PADI1: variants seen among roughly 807,000 people sequenced by gnomAD.
PADI1 encodes the protein peptidyl arginine deiminase 1.
A neutral mutation model predicts 74.8 loss-of-function variants in PADI1; 65 were observed. The ratio of observed to expected loss-of-function variants is 0.87; its 90% CI spans 0.71 to 1.07. PADI1 has a LOEUF of 1.07. Among genes scored for constraint, PADI1 ranks in the 50% least tolerant of loss-of-function variants. The probability of loss-of-function intolerance (pLI) is 0.00; values close to 1 mark genes in which losing one functional copy is unlikely to be tolerated. For synonymous variants in PADI1, 371 were observed against 336.2 expected (o/e 1.10, Z -1.13); for missense variants, 943 against 854.0 (o/e 1.10, Z -1.30).
Position 17,232,972 on chromosome 1 carries a change from TGA to T in PADI1, c.1313+4_1313+5del. The T allele has an allele frequency of 6.2e-7, 1 of 1,600,444 alleles. No homozygotes were observed. The highest frequency in any genetic ancestry group is 1.1e-5 in the South Asian group (1 of 89,366). On this transcript the variant is annotated splice_donor_region_variant and intron_variant, in intron 11 of 15. Coordinates refer to ENST00000375471, the MANE Select transcript of PADI1 (RefSeq NM_013358.3). ...CCTCATCGGGAGCAGCTTCCCCAAG[TGA>T]GGGGCTGGGGCGGGAGGTGGGGAGG...
At chr1:17,216,942 A>G (rs2071993420) in intron 1 of PADI1, among the ~76,000 whole-genome samples, 1 of 151,548 alleles carries the variant, frequency 6.6e-6, no homozygotes, top group Non-Finnish European at 1.5e-5. Flanking sequence ...AAGAAGTCTG[A>G]GAGTTCTAAC....
chr1:17,244,096 G>C lies in PADI1; in HGVS notation c.1845G>C (p.Lys615Asn), dbSNP rs774757863. The C allele has an allele frequency of 6.2e-6, 10 of 1,614,116 alleles. No individual in the cohort carries two copies. The East Asian group carries it at 2.2e-4, about 36-fold the overall frequency. The change falls in exon 16 of 16, where the codon AAG becomes AAC. Residue 615 changes from lysine to asparagine, a missense_variant. Lys to Asn is a moderately conservative substitution (Grantham distance 94). Coordinates refer to ENST00000375471, the MANE Select transcript of PADI1 (RefSeq NM_013358.3). ...IINGRCCLEE[K>N]VQSLLEPLGL... ...ATGGCCGCTGCTGCCTGGAGGAGAA[G>C]GTGCAGTCCCTGCTGGAGCCTCTGG...
At chr1:17,237,053 A>G (rs963634902) in intron 11 of PADI1, among the ~76,000 whole-genome samples, 3 of 152,160 alleles carry the variant, frequency 2.0e-5, no homozygotes, top group African/African-American at 4.8e-5. Flanking sequence ...TGGTATTTCT[A>G]TGTATATCAT....
intron 15 of PADI1, 58 bp downstream of exon 15, chr1:17,240,818 C>T: frequency 1.3e-6 from 2 of 1,582,888 alleles, no homozygotes; most frequent in Non-Finnish European, 1.7e-6. Flanking sequence ...AGAAGAAGCA[C>T]TCCCTGGCCC....
chr1:17,223,549 T>C, intron 2 of PADI1, 72 bp from the exon 3 acceptor site: 2 of 1,237,402 alleles, frequency 1.6e-6, no homozygotes, highest in East Asian at 2.3e-5. Flanking sequence ...TGTCAGGATG[T>C]GTCCCTCATC....
intron 11 of PADI1, among the ~76,000 whole-genome samples, chr1:17,235,545 T>C (rs1386726847): frequency 6.6e-6 from 1 of 152,044 alleles, no homozygotes; most frequent in Admixed American, 6.6e-5. Context: ...GGCAGTTCTC[T>C]CCTCCAGGAT....
At chr1:17,211,760 G>C (rs563717619) in intron 1 of PADI1, among the ~76,000 whole-genome samples, 1 of 152,352 alleles carries the variant, frequency 6.6e-6, no homozygotes, top group African/African-American at 2.4e-5. Context: ...ATCAGACCCA[G>C]GCAGGGGCCA....
At chr1:17,218,082 C>A (rs2072028655) in intron 1 of PADI1, among the ~76,000 whole-genome samples, 1 of 152,148 alleles carries the variant, frequency 6.6e-6, no homozygotes, top group Non-Finnish European at 1.5e-5. Context: ...CGTCACATAT[C>A]AGATTTAGTG....
chr1:17,218,708 C>T (rs760302161), intron 1 of PADI1, among the ~76,000 whole-genome samples: 7 of 152,106 alleles, frequency 4.6e-5, no homozygotes, highest in Non-Finnish European at 1.0e-4. Context: ...ATGAGGAGGT[C>T]AAAGGAGAAT....
intron 1 of PADI1, among the ~76,000 whole-genome samples, chr1:17,216,004 A>G (rs1402586058): frequency 6.6e-6 from 1 of 152,170 alleles, no homozygotes; most frequent in East Asian, 1.9e-4. Flanking sequence ...AAGGCCTCGT[A>G]TGCTACCCTG....
rs1356341811 is a variant in PADI1 at position 17,244,748 on chromosome 1, G to A, written c.*505G>A. On this transcript the variant is annotated 3_prime_UTR_variant, in exon 16 of 16. Transcript: ENST00000375471. ...CGCTCTAGGTTTCTTCTCCCAAAGG[G>A]GACCCAAGGCTGTGACACTTACCTC... The A allele has an allele frequency of 1.8e-5, 6 of 338,588 alleles. No individual in the cohort carries two copies. The highest frequency in any genetic ancestry group is 4.7e-5 in the South Asian group (2 of 42,896). The allele number at this position is 338,588 out of a possible 1,614,324, so 21.0% of individuals were successfully genotyped here. A position where few individuals can be genotyped will look rare whatever the true frequency, so the allele number is the denominator to read the frequency against.
At chr1:17,228,283 T>C (rs541988011) in intron 6 of PADI1, among the ~76,000 whole-genome samples, 91 of 152,340 alleles carry the variant, frequency 6.0e-4, no homozygotes, top group Non-Finnish European at 6.5e-4. Context: ...TGTCTGGTCA[T>C]TACTTTTTAC....
At chr1:17,230,838 C>T (rs745502864) in intron 10 of PADI1, among the ~76,000 whole-genome samples, 159 bp downstream of exon 10, 13 of 152,118 alleles carry the variant, frequency 8.5e-5, no homozygotes, top group Admixed American at 6.6e-4. Context: ...GGAGCCAGTG[C>T]GGAGTTTGGG....
chr1:17,218,455 C>T (rs1326089907), intron 1 of PADI1, among the ~76,000 whole-genome samples: 1 of 152,036 alleles, frequency 6.6e-6, no homozygotes, highest in East Asian at 1.9e-4. Flanking sequence ...AGAGGAAAGG[C>T]CACGGAGTCA....
chr1:17,239,934 T>G, intron 14 of PADI1, 151 bp downstream of exon 14: 1 of 634,706 alleles, frequency 1.6e-6, no homozygotes, highest in Middle Eastern at 4.3e-4. Flanking sequence ...AGCCTCTGCC[T>G]TCAGGAACCC....
intron 7 of PADI1, 66 bp downstream of exon 7, chr1:17,228,863 A>G (rs1457008684): frequency 6.6e-7 from 1 of 1,517,464 alleles, no homozygotes; most frequent in Non-Finnish European, 9.1e-7. Flanking sequence ...TGCAGGCTCC[A>G]GGGCTGGGCA....
rs1396026671 is a variant in PADI1 at position 17,244,495 on chromosome 1, TA to T, written c.*253del. On this transcript the variant is annotated 3_prime_UTR_variant, in exon 16 of 16. Coordinates refer to ENST00000375471, the MANE Select transcript of PADI1 (RefSeq NM_013358.3). ...TCCCACCCACAGCCCCCAGAGGCTC[TA>T]GATCAACAATGTTAGCATGTTCCAG... 3.3e-6 allele frequency: 2 copies of T among 601,054 alleles called. No individual in the cohort carries two copies. Among genetic ancestry groups the T allele is most frequent in the Non-Finnish European group, 6.2e-6 (2 of 320,470 alleles). 37.2% of individuals were successfully genotyped at this position (601,054 alleles called of 1,614,324 possible). A position where few individuals can be genotyped will look rare whatever the true frequency, so the allele number is the denominator to read the frequency against.
intron 11 of PADI1, among the ~76,000 whole-genome samples, chr1:17,234,534 C>A (rs2072581561): frequency 6.6e-6 from 1 of 152,192 alleles, no homozygotes; most frequent in South Asian, 2.1e-4. Flanking sequence ...TAGTGCTTTC[C>A]CCAGGCTACC....
At chr1:17,233,561 G>C (rs1168240334) in intron 11 of PADI1, among the ~76,000 whole-genome samples, 5 of 152,232 alleles carry the variant, frequency 3.3e-5, no homozygotes, top group Non-Finnish European at 7.3e-5. Context: ...AGGTGGCGAT[G>C]TCTGTTAGGT....
Sources: allele counts gnomAD v4.1 joint callset (sites outside exome capture counted in the v4.1 genomes callset), GRCh38; gene constraint gnomAD v4.1.1; transcripts MANE v1.5; gene names NCBI Gene and HGNC (gene_info 2026-07-23, HGNC 2026-07-21).